Variants in CPNE4 observed in about 807,000 individuals in gnomAD.
CPNE4 encodes copine-4.
Under a neutral mutation model 67.9 loss-of-function variants are expected in CPNE4, and 25 were observed. The observed-to-expected ratio is 0.37, with a 90% CI of 0.27 to 0.51. The LOEUF (loss-of-function observed/expected upper bound fraction) is 0.51. Among genes scored for constraint, CPNE4 ranks in the 20% least tolerant of loss-of-function variants. The pLI, the probability that CPNE4 is intolerant of heterozygous loss-of-function variation, is 0.93. For missense variants in CPNE4, 464 were observed against 690.8 expected, an observed-to-expected ratio of 0.67 and a Z score of 3.68; for synonymous variants, 242 against 244.9, an observed-to-expected ratio of 0.99 and a Z score of 0.11.
chr3:131,907,947 G>T (rs1484708717), intron 1 of CPNE4, among the ~76,000 whole-genome samples: 3 of 152,094 alleles, frequency 2.0e-5, no homozygotes, highest in Admixed American at 2.0e-4. Flanking sequence ...AGGGACTTTG[G>T]GACATTTGTT....
chr3:131,666,472 A>T lies in CPNE4; in HGVS notation c.681+3203T>A, dbSNP rs982798639. Among the ~76,000 whole-genome samples the T allele has an allele frequency of 1.1e-4, 16 of 152,232 alleles. 1 individual carries two copies. Among genetic ancestry groups the T allele is most frequent in the Admixed American group, 6.5e-4 (10 of 15,282 alleles). On this transcript the variant is annotated intron_variant, in intron 7 of 15. Transcript: ENST00000429747. Reference sequence around the variant, plus strand: ...TAAAATTTCAAAATTGATTTAGGTCAAGAATTCATTCCAGAAAGCAAGGAC... The same window carrying T: ...TAAAATTTCAAAATTGATTTAGGTCTAGAATTCATTCCAGAAAGCAAGGAC...
chr3:131,641,962 C>T (rs377350112), intron 7 of CPNE4, among the ~76,000 whole-genome samples: 13 of 151,992 alleles, frequency 8.6e-5, no homozygotes, highest in East Asian at 5.8e-4. Context: ...ACTATGAGGG[C>T]GCTAAGGCAT....
In CPNE4 at chr3:131,896,579, G is replaced by C. The variant is rs534378168; in HGVS notation, c.180+8685C>G. 1.6e-4 allele frequency among the ~76,000 whole-genome samples: 24 copies of C among 152,142 alleles called. 1 individual carries two copies. Among genetic ancestry groups the C allele is most frequent in the African/African-American group, 5.5e-4 (23 of 41,530 alleles). ...GTATCAAATAGCAAAATCTTGTCTTGGCACAGTTTGCACAGAAAGTATCTG... is the reference window on the plus strand; with the variant it reads ...GTATCAAATAGCAAAATCTTGTCTTCGCACAGTTTGCACAGAAAGTATCTG... On this transcript the variant is annotated intron_variant, in intron 2 of 15. Transcript: ENST00000429747.
At chr3:131,723,307 G>C in intron 3 of CPNE4, 139 bp downstream of exon 3, 1 of 712,212 alleles carries the variant, frequency 1.4e-6, no homozygotes, top group Non-Finnish European at 2.4e-6. Context: ...CACCACCTGG[G>C]AAGTTGTAAA....
chr3:131,673,467 C>T (rs912618697), intron 6 of CPNE4, among the ~76,000 whole-genome samples: 1 of 152,060 alleles, frequency 6.6e-6, no homozygotes, highest in African/African-American at 2.4e-5. Flanking sequence ...AATCCCTGAA[C>T]ATGGACTATT....
intron 2 of CPNE4, among the ~76,000 whole-genome samples, chr3:131,903,698 A>G (rs1315831389): frequency 6.6e-6 from 1 of 152,106 alleles, no homozygotes; most frequent in Non-Finnish European, 1.5e-5. Flanking sequence ...AATGGGGATA[A>G]TATCTCATAG....
intron 2 of CPNE4, among the ~76,000 whole-genome samples, chr3:131,766,204 C>T (rs2083008874): frequency 1.3e-5 from 2 of 152,150 alleles, no homozygotes; most frequent in Admixed American, 6.6e-5. Flanking sequence ...TTGTCCAATA[C>T]TCTAAGCCTC....
chr3:131,759,617 G>A (rs528692387), intron 2 of CPNE4, among the ~76,000 whole-genome samples: 91 of 13,880 alleles, frequency 6.6e-3, no homozygotes, highest in South Asian at 0.056. Context: ...AGAAAAAAAA[G>A]TGTAGTGGGG....
chr3:131,563,500 C>T (rs1009286411), intron 11 of CPNE4, among the ~76,000 whole-genome samples: 1 of 151,910 alleles, frequency 6.6e-6, no homozygotes, highest in Non-Finnish European at 1.5e-5. Flanking sequence ...TAGGAAAGGC[C>T]AATATTTATC....
At chr3:131,764,007 G>T (rs1414044925) in intron 2 of CPNE4, among the ~76,000 whole-genome samples, 1 of 151,994 alleles carries the variant, frequency 6.6e-6, no homozygotes, top group Non-Finnish European at 1.5e-5. Context: ...AACCCTATGA[G>T]GCAATACTTT....
chr3:131,683,218 C>G (rs990403446), intron 6 of CPNE4, among the ~76,000 whole-genome samples: 5 of 152,268 alleles, frequency 3.3e-5, no homozygotes, highest in Non-Finnish European at 5.9e-5. Context: ...CTCCCAATAG[C>G]CACCATAGCT....
At chr3:131,688,840 A>G (rs1343676881) in intron 5 of CPNE4, among the ~76,000 whole-genome samples, 4 of 115,726 alleles carry the variant, frequency 3.5e-5, no homozygotes, top group African/African-American at 1.2e-4. Flanking sequence ...CTTTTTCTAG[A>G]CTCTACATAT....
chr3:131,536,055 A>G (rs1202510396), intron 15 of CPNE4, among the ~76,000 whole-genome samples: 1 of 152,108 alleles, frequency 6.6e-6, no homozygotes, highest in Admixed American at 6.6e-5. Flanking sequence ...AGGCATAGTG[A>G]GTTACCTGAT....
chr3:131,971,586 T>C (rs890186575), intron 1 of CPNE4, among the ~76,000 whole-genome samples: 2 of 152,192 alleles, frequency 1.3e-5, no homozygotes, highest in Admixed American at 6.5e-5. Flanking sequence ...CTGAACTCAT[T>C]TACAAAACTT....
intron 10 of CPNE4, among the ~76,000 whole-genome samples, chr3:131,573,864 A>T (rs1052093955): frequency 1.3e-5 from 2 of 152,062 alleles, no homozygotes; most frequent in African/African-American, 4.8e-5. Flanking sequence ...GACTTTAAAG[A>T]GGAGACCAAA....
intron 2 of CPNE4, among the ~76,000 whole-genome samples, chr3:131,774,179 C>T (rs1006338050): frequency 6.6e-6 from 1 of 152,034 alleles, no homozygotes; most frequent in Non-Finnish European, 1.5e-5. Flanking sequence ...AAGCTGGGGA[C>T]CTACCCAGAG....
intron 2 of CPNE4, among the ~76,000 whole-genome samples, chr3:131,786,131 A>G (rs896892225): frequency 6.6e-6 from 1 of 152,128 alleles, no homozygotes; most frequent in African/African-American, 2.4e-5. Flanking sequence ...ATTAGATCTT[A>G]TAGCTTTATG....
chr3:131,727,642 A>T (rs1242051559), intron 2 of CPNE4, among the ~76,000 whole-genome samples: 1 of 152,218 alleles, frequency 6.6e-6, no homozygotes, highest in Non-Finnish European at 1.5e-5. Context: ...TAAAGTATAC[A>T]ATTCAATATG....
At chr3:131,857,741 C>A (rs2086507859) in intron 2 of CPNE4, among the ~76,000 whole-genome samples, 2 of 151,994 alleles carry the variant, frequency 1.3e-5, no homozygotes, top group Admixed American at 1.3e-4. Context: ...CCTGTTACGG[C>A]CCTTCATGCC....
Sources: gnomAD v4.1 joint callset for allele counts (sites outside exome capture counted in the v4.1 genomes callset) on GRCh38, gnomAD v4.1.1 for gene constraint, MANE v1.5 for transcripts, NCBI Gene and HGNC (gene_info 2026-07-23, HGNC 2026-07-21) for gene names.